Variants in C1orf141 observed in about 807,000 individuals in gnomAD.
The protein encoded by C1orf141 is uncharacterized protein C1orf141.
A neutral mutation model predicts 23.2 loss-of-function variants in C1orf141; 19 were observed. The observed-to-expected ratio is 0.82, with a 90% CI of 0.57 to 1.20. The LOEUF (loss-of-function observed/expected upper bound fraction) is 1.20. Ranked by LOEUF, C1orf141 falls within the 50% of genes most tolerant of loss-of-function variation. The probability of loss-of-function intolerance (pLI) is 0.00; values close to 1 mark genes in which losing one functional copy is unlikely to be tolerated. For missense variants in C1orf141, 469 were observed against 455.1 expected, an observed-to-expected ratio of 1.03 and a Z score of -0.28; for synonymous variants, 153 against 154.6, an observed-to-expected ratio of 0.99 and a Z score of 0.08.
At chr1:67,132,063 C>T (rs1646525749) in intron 1 of C1orf141, among the ~76,000 whole-genome samples, 1 of 151,626 alleles carries the variant, frequency 6.6e-6, no homozygotes, top group Admixed American at 6.6e-5. Context: ...GATTACAGTG[C>T]CCAGTCATGA....
chr1:67,098,130 G>T (rs1645723907), intron 5 of C1orf141, among the ~76,000 whole-genome samples: 1 of 152,144 alleles, frequency 6.6e-6, no homozygotes, highest in African/African-American at 2.4e-5. Flanking sequence ...GGGTCACGAG[G>T]TCTGAGTAAT....
At position 67,125,867 on chromosome 1, in the gene C1orf141, T is replaced by C. The variant is rs376654100; in HGVS notation, c.118A>G (p.Ile40Val). ...AACTGAAAATCAAATGTCAGGGGTA[T>C]AGCCATAGTTGTTTTTCTTCCTTCA... ...QSEGRKTTMA[I>V]PLTFDFQLEF... The change falls in exon 4 of 8, where the codon ATA becomes GTA. Residue 40 changes from isoleucine (I) to valine (V), a missense_variant. Ile to Val is a conservative substitution (Grantham distance 29). Transcript: ENST00000684719. 6.0e-5 allele frequency: 97 copies of C among 1,610,112 alleles called. No homozygotes were observed. The highest frequency in any genetic ancestry group is 7.6e-5 in the Non-Finnish European group (90 of 1,179,554).
intron 5 of C1orf141, among the ~76,000 whole-genome samples, chr1:67,107,185 T>G (rs1328823191): frequency 6.6e-6 from 1 of 152,158 alleles, no homozygotes; most frequent in African/African-American, 2.4e-5. Context: ...GACAAGTTGA[T>G]GATGTATACT....
At chr1:67,135,576 G>A (rs549421156), upstream of C1orf141, among the ~76,000 whole-genome samples, 135 of 152,208 alleles carry the variant, frequency 8.9e-4, no homozygotes, top group South Asian at 2.1e-3. Context: ...TGTATTTACT[G>A]TATCCTAAGG....
chr1:67,125,920 G>C lies in C1orf141; in HGVS notation c.76-11C>G. 2 of 1,236,522 alleles carry C rather than the reference G, an allele frequency of 1.6e-6. No individual in the cohort carries two copies. Among genetic ancestry groups the C allele is most frequent in the South Asian group, 1.4e-5 (1 of 69,324 alleles). 76.6% of individuals were successfully genotyped at this position (1,236,522 alleles called of 1,614,324 possible). ...CTGAAGCCTGTTTATCTGCAGCAAT[G>C]CCAAAGTGAAAAAAAAAAAAAAAAA... On this transcript the variant is annotated splice_polypyrimidine_tract_variant and intron_variant, in intron 3 of 7. Transcript: ENST00000684719.
intron 5 of C1orf141, among the ~76,000 whole-genome samples, chr1:67,099,364 T>C (rs1446168889): frequency 6.6e-6 from 1 of 152,192 alleles, no homozygotes; most frequent in Admixed American, 6.5e-5. Flanking sequence ...AATTCAACTG[T>C]CATTCTCAAG....
upstream of C1orf141, among the ~76,000 whole-genome samples, chr1:67,135,437 G>A (rs1464709416): frequency 6.6e-6 from 1 of 152,148 alleles, no homozygotes; most frequent in African/African-American, 2.4e-5. Flanking sequence ...CCAAGGCCAA[G>A]AAACCTCCCG....
intron 4 of C1orf141, among the ~76,000 whole-genome samples, chr1:67,116,152 A>G (rs761247638): frequency 4.6e-5 from 7 of 152,188 alleles, no homozygotes; most frequent in Non-Finnish European, 8.8e-5. Context: ...ACTTAGCTTA[A>G]TTATAAGTAT....
intron 2 of C1orf141, among the ~76,000 whole-genome samples, chr1:67,128,227 GA>G (rs148119542): frequency 0.021 from 3,167 of 152,212 alleles, 107 homozygotes; most frequent in African/African-American, 0.072. Context: ...TGAGACATCA[GA>G]ACCTGGTCTA....
chr1:67,132,869 A>G (rs557656185), intron 1 of C1orf141, among the ~76,000 whole-genome samples: 312 of 152,330 alleles, frequency 2.0e-3, no homozygotes, highest in Non-Finnish European at 2.8e-3. Context: ...AATTTCTAGC[A>G]CAGTAGTGAC....
rs755035026 is a variant in C1orf141, at chr1:67,125,753, T to A, written c.232A>T (p.Met78Leu). 6.2e-7 allele frequency: 1 copy of A among 1,613,432 alleles called. No homozygotes were observed. The highest frequency in any genetic ancestry group is 2.2e-5 in the East Asian group (1 of 44,884). The change falls in exon 4 of 8, where the codon ATG becomes TTG. Residue 78 changes from methionine (M) to leucine (L), a missense_variant and splice_region_variant. Physicochemically the swap from Met to Leu is conservative, Grantham distance 15. Transcript: ENST00000684719. ...ATTTAAGGTGGTTATGATAGTTACA[T>A]TTTTGATTTTGTAATGCTGCATGAC... ...DKSCSITKSK[M>L]HVSFKCEPEP...
rs889908830 is a variant in C1orf141, at chr1:67,104,249, T to C, written c.347-7928A>G. 6.6e-5 allele frequency among the ~76,000 whole-genome samples: 10 copies of C among 152,146 alleles called. No homozygotes were observed. In the South Asian group the frequency reaches 8.3e-4, roughly 13 times the overall value. ...ACTAGAATAGACAGGAAAGATTTCA[T>C]AGAGGAAGAAGAAAATGCTAAGATT... On this transcript the variant is annotated intron_variant, in intron 5 of 7. Transcript: ENST00000684719.
At position 67,127,355 on chromosome 1, in the gene C1orf141, T is replaced by A. The variant is rs989796284; in HGVS notation, c.-17-98A>T. On this transcript the variant is annotated intron_variant, in intron 2 of 7. Transcript: ENST00000684719. Reference sequence around the variant, plus strand: ...AAGACTCACTTTTACATTACTGTTTTAGGTAAATAATAGAATTGTTTAAAT... The same window carrying A: ...AAGACTCACTTTTACATTACTGTTTAAGGTAAATAATAGAATTGTTTAAAT... The A allele has an allele frequency of 4.5e-6, 3 of 667,644 alleles. No homozygotes were observed. In the Admixed American group the frequency reaches 8.2e-5, roughly 18 times the overall value. The allele number at this position is 667,644 out of a possible 1,614,324, so 41.4% of individuals were successfully genotyped here. A position where few individuals can be genotyped will look rare whatever the true frequency, so the allele number is the denominator to read the frequency against.
In C1orf141 at chr1:67,093,272, A is replaced by T. The variant is rs1645592571; in HGVS notation, c.936T>A (p.Asn312Lys). ...AATTCTGTGAGAAATTATAGAGTGT[A>T]TTCCAAGATCTGTTTTCTAGTGTCT... ...NKQTLENRSW[N>K]TLYNFSQNFS... The change falls in exon 8 of 8, where the codon AAT becomes AAA. Residue 312 changes from asparagine to lysine, a missense_variant. Coordinates refer to ENST00000684719, the MANE Select transcript of C1orf141 (RefSeq NM_001276351.2). 6.2e-7 allele frequency: 1 copy of T among 1,613,846 alleles called. No homozygotes were observed.
In C1orf141 at chr1:67,104,539, A is replaced by G. The variant is rs142808240; in HGVS notation, c.347-8218T>C. On this transcript the variant is annotated intron_variant, in intron 5 of 7. Coordinates refer to ENST00000684719, the MANE Select transcript of C1orf141 (RefSeq NM_001276351.2). ...TTGGAGCATATCAATAATTCTTAAA[A>G]GGAATGTAAGGGAGTTTCTAATAAC... is the stretch of plus-strand genomic sequence containing the variant. 7.3e-3 allele frequency among the ~76,000 whole-genome samples: 1,116 copies of G among 152,306 alleles called. 9 individuals are homozygous for G. The highest frequency in any genetic ancestry group is 0.025 in the African/African-American group (1,034 of 41,584).
At chr1:67,126,001 TACAC>T (rs147605412) in intron 3 of C1orf141, 92 bp from the exon 4 acceptor site, 41 of 1,182,760 alleles carry the variant, frequency 3.5e-5, no homozygotes, top group Non-Finnish European at 4.3e-5. Flanking sequence ...AATCTCACTT[TACAC>T]ACACACACAC....
chr1:67,102,328 G>C, intron 5 of C1orf141, among the ~76,000 whole-genome samples: 1 of 151,638 alleles, frequency 6.6e-6, no homozygotes, highest in East Asian at 1.9e-4. Context: ...GTGTGTGTGT[G>C]TGTGTGTGTG....
chr1:67,103,183 AT>A, intron 5 of C1orf141: 2 of 979,362 alleles, frequency 2.0e-6, no homozygotes, highest in Non-Finnish European at 2.9e-6. Context: ...TTACACACTA[AT>A]TTTAGGTGCA....
intron 5 of C1orf141, among the ~76,000 whole-genome samples, chr1:67,100,471 T>A (rs1645773050): frequency 6.6e-6 from 1 of 152,208 alleles, no homozygotes; most frequent in Non-Finnish European, 1.5e-5. Context: ...TCCTTGATGA[T>A]TATCTTTTAC....
Sources: allele counts gnomAD v4.1 joint callset (sites outside exome capture counted in the v4.1 genomes callset), GRCh38; gene constraint gnomAD v4.1.1; transcripts MANE v1.5; gene names NCBI Gene and HGNC (gene_info 2026-07-23, HGNC 2026-07-21).